Variants in EPS8L1 observed in about 807,000 individuals in gnomAD.
EPS8L1 encodes EPS8 signaling adaptor L1.
A neutral mutation model predicts 91.7 loss-of-function variants in EPS8L1; 101 were observed. That is an observed-to-expected ratio of 1.10 (90% CI 0.94 to 1.30). EPS8L1 has a LOEUF of 1.30. Ranked by LOEUF, EPS8L1 falls within the 50% of genes most tolerant of loss-of-function variation. The probability of loss-of-function intolerance (pLI) is 0.00; values close to 1 mark genes in which losing one functional copy is unlikely to be tolerated. For synonymous variants in EPS8L1, 506 were observed against 445.3 expected (o/e 1.14, Z -1.72); for missense variants, 1,114 against 1,017.0 (o/e 1.10, Z -1.30).
rs900281966 is a variant in EPS8L1, at chr19:55,086,790, C to T, written c.1854C>T (p.Arg618=). The T allele has an allele frequency of 1.2e-6, 2 of 1,606,002 alleles. No homozygotes were observed. The highest frequency in any genetic ancestry group is 1.3e-5 in the African/African-American group (1 of 74,846). The change falls in exon 18 of 20, where the codon CGC becomes CGT. Residue 618 remains arginine (R), a synonymous_variant. Coordinates refer to ENST00000201647, the MANE Select transcript of EPS8L1 (RefSeq NM_133180.3). ...CCCAGGGCCGCTCGGGACCGAGCCG[C>T]GCAGTCCCAGGGCCCCGCGCCCCGG... ...RLAQGRSGPS[R]AVPGPRAPEP... is the part of the protein sequence containing the mutation.
chr19:55,084,745 G>A (rs1450637544), intron 14 of EPS8L1: 2 of 152,252 alleles, frequency 1.3e-5, no homozygotes, highest in African/African-American at 2.4e-5. Context: ...CCTGTTCACA[G>A]CTTCAAGTCA....
In EPS8L1 at chr19:55,083,641, A is replaced by T. The variant is rs1448965339; in HGVS notation, c.1382A>T (p.Asn461Ile). The part of the protein sequence containing the change: ...RQQSAPQVAV[N>I]GHRDLEPESE... The stretch of plus-strand genomic sequence containing the variant: ...CAAAGCGCCCCCCAGGTCGCTGTCA[A>T]TGGGTGAGTGTCCGCCCCAGGGCAG... Residue 461 changes from asparagine (N) to isoleucine (I), a missense_variant, in exon 14 of 20, where the codon AAT (asparagine) becomes ATT (isoleucine). By Grantham distance (149) the Asn-to-Ile change is moderately radical (BLOSUM62 -3). Transcript: ENST00000201647. This position sits in a 1 kb window ranked among gnomAD's most constrained non-coding sequence, Gnocchi z 4.7. 6 of 1,594,690 alleles carry T rather than the reference A, an allele frequency of 3.8e-6. No individual in the cohort carries two copies.
At position 55,079,706 on chromosome 19, in the gene EPS8L1, G is replaced by A. The variant is rs1046724900; in HGVS notation, c.134G>A (p.Cys45Tyr). ...QYPVNHLVTF[C>Y]LGEDDGVHTV... The stretch of plus-strand genomic sequence containing the variant: ...CCGTACCAGCACCTGGTGACGTTCT[G>A]CCTGGGTGAGGACGATGGCGTGCAT... The change falls in exon 5 of 20, where the codon TGC becomes TAC. Residue 45 changes from cysteine to tyrosine, a missense_variant. Cys to Tyr is a radical substitution (Grantham distance 194). Transcript: ENST00000201647. 3.1e-6 allele frequency: 5 copies of A among 1,614,040 alleles called. No homozygotes were observed. The Admixed American group carries it at 6.7e-5, about 22-fold the overall frequency.
chr19:55,080,440 G>T (rs376078150), intron 6 of EPS8L1, 162 bp downstream of exon 6: 1 of 1,609,480 alleles, frequency 6.2e-7, no homozygotes, highest in Non-Finnish European at 8.5e-7. Context: ...GGAAGGCAGT[G>T]GGGTTTGAGA....
intron 14 of EPS8L1, among the ~76,000 whole-genome samples, chr19:55,085,380 T>G (rs2076343485): frequency 6.6e-6 from 1 of 152,172 alleles, no homozygotes; most frequent in Non-Finnish European, 1.5e-5. Context: ...TTGGCCAGGA[T>G]GGTCTTGATC....
intron 3 of EPS8L1, 52 bp downstream of exon 3, chr19:55,078,180 C>T (rs1363680987): frequency 6.4e-7 from 1 of 1,559,320 alleles, no homozygotes; most frequent in Non-Finnish European, 8.8e-7. Context: ...TCTAAAGAAA[C>T]AGGACCTGGC....
In EPS8L1 at chr19:55,087,719, G is replaced by A. The variant is rs908652845; in HGVS notation, c.*105G>A. 9 of 1,189,298 alleles carry A rather than the reference G, an allele frequency of 7.6e-6. No individual in the cohort carries two copies. The South Asian group carries it at 1.1e-4, about 14-fold the overall frequency. The allele number at this position is 1,189,298 out of a possible 1,614,324, so 73.7% of individuals were successfully genotyped here. On this transcript the variant is annotated 3_prime_UTR_variant, in exon 20 of 20. Coordinates refer to ENST00000201647, the MANE Select transcript of EPS8L1 (RefSeq NM_133180.3). ...CGATCTTCTGAAGGATGGCCAATCTGCTCCGGCCCTGGTCTTCCCCCATCC... is the reference window on the plus strand; with the variant it reads ...CGATCTTCTGAAGGATGGCCAATCTACTCCGGCCCTGGTCTTCCCCCATCC...
At chr19:55,076,870 G>A (rs142688182) in intron 2 of EPS8L1, among the ~76,000 whole-genome samples, 1 of 152,348 alleles carries the variant, frequency 6.6e-6, no homozygotes, top group African/African-American at 2.4e-5. Context: ...TATGTTGTTA[G>A]TAAATATTAA....
At chr19:55,084,038 G>C (rs2076330113) in intron 14 of EPS8L1, 1 of 432,118 alleles carries the variant, frequency 2.3e-6, no homozygotes, top group Non-Finnish European at 4.2e-6. Flanking sequence ...GATATTGGAG[G>C]GGAGAGGCTG....
At position 55,081,414 on chromosome 19, in the gene EPS8L1, G is replaced by A. The variant is rs2076257302; in HGVS notation, c.696G>A (p.Ser232=). The change falls in exon 8 of 20, where the codon TCG becomes TCA. Residue 232 remains serine, a synonymous_variant. Coordinates refer to ENST00000201647, the MANE Select transcript of EPS8L1 (RefSeq NM_133180.3). This position sits in a 1 kb window ranked among gnomAD's most constrained non-coding sequence, Gnocchi z 4.9. ...AGAGGCCTGAGCCGGTGGGGACCTC[G>A]AGCAACGCTGACTCGGCCTCCCCGG... is the stretch of plus-strand genomic sequence containing the variant. ...EAQRPEPVGT[S]SNADSASPDL... is the part of the protein sequence containing the mutation. The A allele has an allele frequency of 1.3e-6, 2 of 1,597,146 alleles. No individual in the cohort carries two copies. The highest frequency in any genetic ancestry group is 1.7e-6 in the Non-Finnish European group (2 of 1,173,688).
chr19:55,087,710 G>A lies in EPS8L1; in HGVS notation c.*96G>A. ...AGCGGAAGTCGATCTTCTGAAGGAT[G>A]GCCAATCTGCTCCGGCCCTGGTCTT... is the stretch of plus-strand genomic sequence containing the variant. On this transcript the variant is annotated 3_prime_UTR_variant, in exon 20 of 20. Transcript: ENST00000201647. The A allele has an allele frequency of 7.7e-7, 1 of 1,293,074 alleles. No homozygotes were observed. Among genetic ancestry groups the A allele is most frequent in the South Asian group, 1.3e-5 (1 of 79,316 alleles). 80.1% of individuals were successfully genotyped at this position (1,293,074 alleles called of 1,614,324 possible).
intron 1 of EPS8L1, 121 bp downstream of exon 1, chr19:55,076,040 C>T (rs10853876): frequency 0.92 from 154,432 of 167,034 alleles, 71,542 homozygotes; most frequent in Admixed American, 0.96. Flanking sequence ...TCTGAACTCC[C>T]GGGTCTGAGG....
Position 55,082,312 on chromosome 19 carries a change from C to T in EPS8L1, c.1028C>T (p.Pro343Leu), listed in dbSNP as rs1671161. 8.8e-5 allele frequency: 142 copies of T among 1,612,748 alleles called. 1 individual carries two copies. In the African/African-American group the frequency reaches 1.7e-3, roughly 19 times the overall value. ...LRGNIADPSS[P>L]ELLHFLFGPL... ...GGCAACATCGCCGACCCCTCCTCTCCGGAGCTGTTGCACTTCCTTTTCGGG... is the reference window on the plus strand; with the variant it reads ...GGCAACATCGCCGACCCCTCCTCTCTGGAGCTGTTGCACTTCCTTTTCGGG... Residue 343 changes from proline (P) to leucine (L), a missense_variant, in exon 11 of 20, where the codon CCG becomes CTG. Pro to Leu is a moderately conservative substitution (Grantham distance 98). Transcript: ENST00000201647.
At position 55,083,253 on chromosome 19, in the gene EPS8L1, A is replaced by G; in HGVS notation, c.1215-125A>G. The G allele has an allele frequency of 7.9e-7, 1 of 1,272,898 alleles. No homozygotes were observed. The allele number at this position is 1,272,898 out of a possible 1,614,324, so 78.9% of individuals were successfully genotyped here. A position where few individuals can be genotyped will look rare whatever the true frequency, so the allele number is the denominator to read the frequency against. On this transcript the variant is annotated intron_variant, in intron 12 of 19. Transcript: ENST00000201647. This position sits in a 1 kb window ranked among gnomAD's most constrained non-coding sequence, Gnocchi z 4.7. ...GAGCTACCGGCAGGACTTGGTGAAA[A>G]GTGGCGGGGCTAGAATCGTTGGAAT...
In EPS8L1 at chr19:55,085,971, G is replaced by A. The variant is rs372416841; in HGVS notation, c.1516G>A (p.Glu506Lys). ...ELSVKQRDVL[E>K]VLDDSRKWWK... ...GTCGGTCAAGCAGCGGGACGTACTG[G>A]AGGTTAGAGGAGCGGGAGGCTGAGG... is the stretch of plus-strand genomic sequence containing the variant. The change falls in exon 15 of 20, where the codon GAG becomes AAG. Residue 506 changes from glutamate to lysine, a missense_variant and splice_region_variant. Glu to Lys is a moderately conservative substitution (Grantham distance 56, BLOSUM62 1). Transcript: ENST00000201647. 1.9e-6 allele frequency: 3 copies of A among 1,611,284 alleles called. No homozygotes were observed. The highest frequency in any genetic ancestry group is 2.5e-6 in the Non-Finnish European group (3 of 1,177,712).
Position 55,087,403 on chromosome 19 carries a change from A to C in EPS8L1, c.2053A>C (p.Ser685Arg), listed in dbSNP as rs892906236. ...CCCCGAGGAGGGGGCACGTGTGTAC[A>C]GCCAGGTCACCGTGCAGCGCTCGCT... ...VSPEEGARVY[S>R]QVTVQRSLLE... Residue 685 changes from serine (S) to arginine (R), a missense_variant, in exon 19 of 20, where the codon AGC (serine) becomes CGC (arginine). Physicochemically the swap from Ser to Arg is moderately radical, Grantham distance 110. Coordinates refer to ENST00000201647, the MANE Select transcript of EPS8L1 (RefSeq NM_133180.3). 3.1e-6 allele frequency: 5 copies of C among 1,613,948 alleles called. No homozygotes were observed. Among genetic ancestry groups the C allele is most frequent in the Non-Finnish European group, 4.2e-6 (5 of 1,180,026 alleles).
chr19:55,076,110 C>T (rs12460747), intron 1 of EPS8L1, among the ~76,000 whole-genome samples, 191 bp downstream of exon 1: 2,453 of 27,678 alleles, frequency 0.089, 65 homozygotes, highest in African/African-American at 0.15. Flanking sequence ...AGGGCCTGGA[C>T]TCCTGGGTCT....
Position 55,086,840 on chromosome 19 carries a change from A to T in EPS8L1, c.1904A>T (p.Asp635Val). Residue 635 changes from aspartate (D) to valine (V), a missense_variant, in exon 18 of 20, where the codon GAC (aspartate) becomes GTC (valine). Asp to Val is a radical substitution (Grantham distance 152). Transcript: ENST00000201647. ...GAACCGCAGCTCAGCCCGGGCTCGGACGCCTCCGAGGTCCGCGCCTGGCTG... is the reference window on the plus strand; with the variant it reads ...GAACCGCAGCTCAGCCCGGGCTCGGTCGCCTCCGAGGTCCGCGCCTGGCTG... ...APEPQLSPGS[D>V]ASEVRAWLQA... The T allele has an allele frequency of 1.3e-6, 2 of 1,532,708 alleles. No individual in the cohort carries two copies. The highest frequency in any genetic ancestry group is 1.8e-6 in the Non-Finnish European group (2 of 1,142,024). The allele number at this position is 1,532,708 out of a possible 1,614,324, so 94.9% of individuals were successfully genotyped here.
intron 16 of EPS8L1, 32 bp from the exon 17 acceptor site, chr19:55,086,360 T>C (rs1262839874): frequency 2.5e-6 from 4 of 1,596,976 alleles, no homozygotes; most frequent in Non-Finnish European, 3.4e-6. Context: ...GTCCTCTCCC[T>C]AACCCAGGTA....
Sources: allele counts gnomAD v4.1 joint callset (sites outside exome capture counted in the v4.1 genomes callset), GRCh38; gene constraint gnomAD v4.1.1; non-coding constraint Gnocchi (gnomAD v3.1); transcripts MANE v1.5; gene names NCBI Gene and HGNC (gene_info 2026-07-23, HGNC 2026-07-21).